DIAPH3: variants seen among roughly 807,000 people sequenced by gnomAD.
DIAPH3 encodes diaphanous related formin 3, also known as protein diaphanous homolog 3.
In DIAPH3, 117 loss-of-function variants were observed where a neutral mutation model predicts 144.3. The observed-to-expected ratio is 0.81, with a 90% CI of 0.70 to 0.95. DIAPH3 has a LOEUF of 0.95. DIAPH3 is among the 40% of genes least tolerant of loss of function. The pLI is 0.00. For synonymous variants in DIAPH3, 519 were observed against 488.9 expected, an observed-to-expected ratio of 1.06 and a Z score of -0.81; for missense variants, 1,421 against 1,412.7, an observed-to-expected ratio of 1.01 and a Z score of -0.09.
chr13:59,809,074 T>A (rs979209142), intron 25 of DIAPH3, among the ~76,000 whole-genome samples: 1 of 152,222 alleles, frequency 6.6e-6, no homozygotes, highest in Non-Finnish European at 1.5e-5. Context: ...CTATCAAGTT[T>A]CAATCTTTCA....
At chr13:59,729,947 C>A (rs1053593896) in intron 27 of DIAPH3, among the ~76,000 whole-genome samples, 12 of 149,502 alleles carry the variant, frequency 8.0e-5, no homozygotes, top group Admixed American at 6.1e-4. Context: ...GAAATTTATA[C>A]AAAATACTCT....
intron 20 of DIAPH3, among the ~76,000 whole-genome samples, chr13:59,910,306 C>G (rs2046930546): frequency 6.6e-6 from 1 of 151,726 alleles, no homozygotes; most frequent in African/African-American, 2.4e-5. Context: ...AATAGAAAAG[C>G]AAGCAAGCAG....
chr13:60,043,209 T>C (rs2055816862), intron 4 of DIAPH3, among the ~76,000 whole-genome samples: 1 of 152,166 alleles, frequency 6.6e-6, no homozygotes, highest in African/African-American at 2.4e-5. Context: ...GAAAAGGCTA[T>C]TAGGTATTAA....
At chr13:59,796,938 GGAATCTTATT>G (rs925816714) in intron 25 of DIAPH3, among the ~76,000 whole-genome samples, 1 of 152,100 alleles carries the variant, frequency 6.6e-6, no homozygotes, top group African/African-American at 2.4e-5. Flanking sequence ...CAAATTAGAA[GGAATCTTATT>G]GTGTAGATAA....
chr13:59,742,839 T>C (rs2036530597), intron 27 of DIAPH3, among the ~76,000 whole-genome samples: 1 of 152,224 alleles, frequency 6.6e-6, no homozygotes, highest in Non-Finnish European at 1.5e-5. Flanking sequence ...CCTTCATAAG[T>C]TGACATGACT....
At chr13:59,966,967 C>T (rs1048640236) in intron 17 of DIAPH3, among the ~76,000 whole-genome samples, 2 of 152,090 alleles carry the variant, frequency 1.3e-5, no homozygotes, top group East Asian at 1.9e-4. Flanking sequence ...CACTGGCTTG[C>T]GAAAGGGTGG....
At chr13:59,903,915 C>T (rs758292087) in intron 20 of DIAPH3, among the ~76,000 whole-genome samples, 8 of 152,182 alleles carry the variant, frequency 5.3e-5, no homozygotes, top group African/African-American at 1.4e-4. Flanking sequence ...GAGCACAATA[C>T]ACTCTAGCCT....
chr13:59,818,513 CTTCA>C (rs978217949), intron 24 of DIAPH3, among the ~76,000 whole-genome samples: 7 of 151,506 alleles, frequency 4.6e-5, no homozygotes, highest in Non-Finnish European at 7.4e-5. Context: ...TGTTCTGCAG[CTTCA>C]TTATTTATTT....
Position 59,804,349 on chromosome 13 carries a change from G to A in DIAPH3, c.3163+6439C>T, listed in dbSNP as rs190116632. Among the ~76,000 whole-genome samples, 130 of 152,180 alleles carry A rather than the reference G, an allele frequency of 8.5e-4. 1 individual carries two copies. Among genetic ancestry groups the A allele is most frequent in the South Asian group, 1.7e-3 (8 of 4,824 alleles). On this transcript the variant is annotated intron_variant, in intron 25 of 27. Transcript: ENST00000400324. ...ACAATCATTTTGGTCCCTTTTTCCT[G>A]TACCATGGTTAAATCATCAGTGGTA...
chr13:59,816,043 T>A (rs2139597289), intron 24 of DIAPH3, among the ~76,000 whole-genome samples: 1 of 152,214 alleles, frequency 6.6e-6, no homozygotes, highest in South Asian at 2.1e-4. Flanking sequence ...TGAATAGGAT[T>A]TTCTGACTTG....
chr13:59,904,205 T>C (rs774647665), intron 20 of DIAPH3, among the ~76,000 whole-genome samples: 1 of 151,850 alleles, frequency 6.6e-6, no homozygotes, highest in South Asian at 2.1e-4. Flanking sequence ...AAAAGTAAGA[T>C]AGGAGGTAGA....
chr13:60,038,858 A>T (rs941219337), intron 5 of DIAPH3, among the ~76,000 whole-genome samples: 6 of 114,126 alleles, frequency 5.3e-5, no homozygotes, highest in African/African-American at 2.2e-4. Flanking sequence ...TGCATAGATG[A>T]GTATGATCTA....
At chr13:60,111,373 T>A (rs1257907821) in intron 3 of DIAPH3, among the ~76,000 whole-genome samples, 1 of 152,156 alleles carries the variant, frequency 6.6e-6, no homozygotes, top group African/African-American at 2.4e-5. Flanking sequence ...ATCCAGCCCA[T>A]AACAATGCAA....
At chr13:59,955,392 G>A (rs1026400141) in intron 17 of DIAPH3, among the ~76,000 whole-genome samples, 3 of 152,130 alleles carry the variant, frequency 2.0e-5, no homozygotes, top group Non-Finnish European at 4.4e-5. Flanking sequence ...TCTCCTGTCT[G>A]CCACCATGTA....
At chr13:60,071,714 A>G (rs1011320348) in intron 4 of DIAPH3, among the ~76,000 whole-genome samples, 3 of 152,206 alleles carry the variant, frequency 2.0e-5, no homozygotes, top group Non-Finnish European at 4.4e-5. Context: ...AACTGGTTCA[A>G]ACTTCTTCTT....
intron 17 of DIAPH3, among the ~76,000 whole-genome samples, chr13:59,954,593 TGTGTATTA>T (rs1489444303): frequency 3.9e-5 from 6 of 151,944 alleles, no homozygotes; most frequent in Admixed American, 3.9e-4. Context: ...ATAATATAGG[TGTGTATTA>T]GTCCATTCTC....
chr13:59,956,645 G>A (rs1168467628), intron 17 of DIAPH3, among the ~76,000 whole-genome samples: 1 of 152,222 alleles, frequency 6.6e-6, no homozygotes, highest in Non-Finnish European at 1.5e-5. Context: ...GTCCCCACTA[G>A]GGCACTGCTG....
chr13:60,049,686 T>C (rs1017529346), intron 4 of DIAPH3, among the ~76,000 whole-genome samples: 4 of 152,238 alleles, frequency 2.6e-5, no homozygotes, highest in Non-Finnish European at 2.9e-5. Flanking sequence ...TTAAAGGATA[T>C]ATTGAACACC....
Position 60,132,956 on chromosome 13 carries a change from C to T in DIAPH3, c.213+1G>A. 3 of 1,606,702 alleles carry T rather than the reference C, an allele frequency of 1.9e-6. No homozygotes were observed. Among genetic ancestry groups the T allele is most frequent in the Non-Finnish European group, 1.7e-6 (2 of 1,174,200 alleles). On this transcript the variant is annotated splice_donor_variant, in intron 2 of 27. Coordinates refer to ENST00000400324, the MANE Select transcript of DIAPH3 (RefSeq NM_001042517.2). LOFTEE classifies it high-confidence loss of function. ...AAAGGAAAAGTTGAGGATAATCTTA[C>T]CATATCATCCGTCAGTGTCCTAATA...
Sources: allele counts gnomAD v4.1 joint callset (sites outside exome capture counted in the v4.1 genomes callset), GRCh38; gene constraint gnomAD v4.1.1; transcripts MANE v1.5; gene names NCBI Gene and HGNC (gene_info 2026-07-23, HGNC 2026-07-21).